The following INPP4B variants were observed in gnomAD, a reference collection of about 807,000 sequenced individuals.
INPP4B encodes the protein inositol polyphosphate-4-phosphatase type II B, also known as inositol polyphosphate 4-phosphatase type II.
In INPP4B, 55 loss-of-function variants were observed where a neutral mutation model predicts 122.5. The observed-to-expected ratio is 0.45, with a 90% confidence interval of 0.36 to 0.56. INPP4B has a LOEUF of 0.56. INPP4B is among the 20% of genes least tolerant of loss of function. The pLI is 0.00. For synonymous variants in INPP4B, 403 were observed against 388.7 expected (o/e 1.04, Z -0.43); for missense variants, 1,000 against 1,097.7 (o/e 0.91, Z 1.26).
intron 16 of INPP4B, among the ~76,000 whole-genome samples, chr4:142,165,765 C>T (rs746561917): frequency 9.2e-5 from 14 of 151,622 alleles, no homozygotes; most frequent in African/African-American, 2.4e-5. Context: ...CCAAATTATA[C>T]GGTGTTTTTC....
intron 2 of INPP4B, among the ~76,000 whole-genome samples, chr4:142,527,495 A>T (rs1006670801): frequency 6.6e-6 from 1 of 152,154 alleles, no homozygotes; most frequent in East Asian, 1.9e-4. Context: ...ACTAGTGGAC[A>T]GTGAACACTG....
At chr4:142,808,841 C>T (rs1779164881) in intron 1 of INPP4B, among the ~76,000 whole-genome samples, 1 of 151,992 alleles carries the variant, frequency 6.6e-6, no homozygotes, top group Non-Finnish European at 1.5e-5. Context: ...GGATGAAAAT[C>T]ATCTATATCT....
intron 2 of INPP4B, among the ~76,000 whole-genome samples, chr4:142,472,096 G>C (rs1818942199): frequency 6.6e-6 from 1 of 151,992 alleles, no homozygotes; most frequent in Admixed American, 6.6e-5. Context: ...ATACCTGACT[G>C]TACAGGTGGC....
At chr4:142,813,088 A>C (rs990146880) in intron 1 of INPP4B, among the ~76,000 whole-genome samples, 1 of 152,186 alleles carries the variant, frequency 6.6e-6, no homozygotes, top group African/African-American at 2.4e-5. Flanking sequence ...TCGCTATAGA[A>C]GGAATTTCTT....
intron 3 of INPP4B, among the ~76,000 whole-genome samples, chr4:142,460,803 C>T (rs1327002971): frequency 6.6e-6 from 1 of 152,108 alleles, no homozygotes; most frequent in Non-Finnish European, 1.5e-5. Context: ...CTGAAAACTT[C>T]TCTTCCAAAA....
intron 1 of INPP4B, among the ~76,000 whole-genome samples, chr4:142,761,001 C>G (rs1771252805): frequency 6.6e-6 from 1 of 152,156 alleles, no homozygotes; most frequent in Admixed American, 6.6e-5. Flanking sequence ...GTACACATCA[C>G]AGTGTTCTGT....
At position 142,815,826 on chromosome 4, in the gene INPP4B, A is replaced by C. The variant is rs116775166; in HGVS notation, c.-254+30383T>G. ...GCCCTGCTTTAAAGGGTAGGTGAGAAACCTACTCCAGAAAACCTCATTTTT... is the reference window on the plus strand; with the variant it reads ...GCCCTGCTTTAAAGGGTAGGTGAGACACCTACTCCAGAAAACCTCATTTTT... On this transcript the variant is annotated intron_variant, in intron 1 of 25. Transcript: ENST00000262992. Among the ~76,000 whole-genome samples, 514 of 152,292 alleles carry C rather than the reference A, an allele frequency of 3.4e-3. 3 individuals carry two copies. Among genetic ancestry groups the C allele is most frequent in the Middle Eastern group, 0.014 (4 of 294 alleles).
intron 22 of INPP4B, 28 bp from the exon 23 acceptor site, chr4:142,108,218 T>G: frequency 1.6e-5 from 20 of 1,238,162 alleles, no homozygotes; most frequent in Non-Finnish European, 2.1e-5. Context: ...AAAACAGCTG[T>G]GGGTTATAAA....
At chr4:142,424,402 T>A (rs887631468) in intron 5 of INPP4B, among the ~76,000 whole-genome samples, 1 of 151,986 alleles carries the variant, frequency 6.6e-6, no homozygotes, top group South Asian at 2.1e-4. Context: ...GATTATGAAA[T>A]TTACATGTGT....
chr4:142,332,058 T>C (rs1431257030), intron 7 of INPP4B, among the ~76,000 whole-genome samples: 4 of 152,286 alleles, frequency 2.6e-5, no homozygotes, highest in South Asian at 2.1e-4. Flanking sequence ...ATTAAGCCAA[T>C]AGAGGTTTCC....
At chr4:142,245,514 C>T (rs1331347860) in intron 11 of INPP4B, among the ~76,000 whole-genome samples, 4 of 151,888 alleles carry the variant, frequency 2.6e-5, no homozygotes, top group African/African-American at 4.8e-5. Flanking sequence ...ATTTTCGCAT[C>T]GATGTTCGTC....
chr4:142,194,851 T>G (rs527788283), intron 14 of INPP4B, among the ~76,000 whole-genome samples: 4 of 152,206 alleles, frequency 2.6e-5, no homozygotes, highest in Non-Finnish European at 5.9e-5. Flanking sequence ...ATTTAGTAAA[T>G]GTTATCTACG....
intron 7 of INPP4B, among the ~76,000 whole-genome samples, chr4:142,366,328 T>G (rs1157044353): frequency 1.8e-5 from 2 of 109,648 alleles, no homozygotes; most frequent in African/African-American, 5.6e-5. Context: ...ACAGCCTTGT[T>G]GCTCACAAAA....
At chr4:142,488,451 T>G (rs1001354692) in intron 2 of INPP4B, among the ~76,000 whole-genome samples, 1 of 152,198 alleles carries the variant, frequency 6.6e-6, no homozygotes, top group East Asian at 1.9e-4. Context: ...TATATAAGAT[T>G]GTAATTTTTT....
chr4:142,567,510 C>A (rs906318103), intron 2 of INPP4B, among the ~76,000 whole-genome samples: 4 of 152,166 alleles, frequency 2.6e-5, no homozygotes, highest in Non-Finnish European at 5.9e-5. Flanking sequence ...CAGGGAGGCT[C>A]AGCCCCTCTG....
At chr4:142,482,846 T>G (rs1308382549) in intron 2 of INPP4B, among the ~76,000 whole-genome samples, 2 of 151,986 alleles carry the variant, frequency 1.3e-5, no homozygotes, top group Non-Finnish European at 2.9e-5. Context: ...TAATGAAGAG[T>G]TTACAATTCC....
At chr4:142,544,491 GA>G (rs1310138904) in intron 2 of INPP4B, among the ~76,000 whole-genome samples, 2 of 152,018 alleles carry the variant, frequency 1.3e-5, no homozygotes, top group East Asian at 3.9e-4. Context: ...GCCATCACAT[GA>G]GACCTTCCAA....
intron 17 of INPP4B, among the ~76,000 whole-genome samples, chr4:142,156,100 T>A (rs1252926736): frequency 2.6e-5 from 4 of 151,714 alleles, no homozygotes; most frequent in Non-Finnish European, 4.4e-5. Context: ...GATGCTGAAA[T>A]GCCGCTTGAT....
intron 2 of INPP4B, among the ~76,000 whole-genome samples, chr4:142,477,602 CT>C (rs1240908983): frequency 1.3e-5 from 2 of 152,042 alleles, no homozygotes; most frequent in African/African-American, 4.8e-5. Context: ...GACATTACCA[CT>C]TGACCTCACA....
Sources: allele counts gnomAD v4.1 joint callset (sites outside exome capture counted in the v4.1 genomes callset), GRCh38; gene constraint gnomAD v4.1.1; transcripts MANE v1.5; gene names NCBI Gene and HGNC (gene_info 2026-07-23, HGNC 2026-07-21).